The following MTHFD2L variants were observed in gnomAD, a reference collection of about 807,000 sequenced individuals.
MTHFD2L encodes the protein methylenetetrahydrofolate dehydrogenase (NADP+ dependent) 2 like.
MTHFD2L carries 29 observed loss-of-function variants against 34.9 expected under a neutral mutation model. The observed-to-expected ratio is 0.83, with a 90% CI of 0.62 to 1.13. MTHFD2L has a LOEUF of 1.13. MTHFD2L is among the 50% of genes most tolerant of loss of function. The probability of loss-of-function intolerance (pLI) is 0.00; values close to 1 mark genes in which losing one functional copy is unlikely to be tolerated. For synonymous variants in MTHFD2L, 167 were observed against 155.7 expected, an observed-to-expected ratio of 1.07 and a Z score of -0.54; for missense variants, 481 against 446.5, an observed-to-expected ratio of 1.08 and a Z score of -0.70.
intron 6 of MTHFD2L, among the ~76,000 whole-genome samples, chr4:74,228,684 G>A (rs1409948624): frequency 6.6e-6 from 1 of 152,016 alleles, no homozygotes; most frequent in African/African-American, 2.4e-5. Flanking sequence ...AGCTTTCTTT[G>A]TAAAGGCCTA....
intron 6 of MTHFD2L, among the ~76,000 whole-genome samples, chr4:74,270,423 TG>T (rs1386137850): frequency 3.9e-5 from 6 of 152,128 alleles, no homozygotes; most frequent in Non-Finnish European, 1.5e-5. Context: ...ATGCAGTGTT[TG>T]GTTTTTTGTT....
Position 74,186,438 on chromosome 4 carries a change from GAA to G in MTHFD2L, c.451+11055_451+11056del, listed in dbSNP as rs59325238. On this transcript the variant is annotated intron_variant, in intron 3 of 7. Transcript: ENST00000325278. ...CCATGGAAAATTCAAGGGAATCCAT[GAA>G]AAAAAAAAAAAAAAAAAAACAGCTA... Among the ~76,000 whole-genome samples, 175 of 88,192 alleles carry G rather than the reference GAA, an allele frequency of 2.0e-3. 1 individual carries two copies. The highest frequency in any genetic ancestry group is 0.012 in the Middle Eastern group (1 of 82). 57.9% of individuals were successfully genotyped at this position (88,192 alleles called of 152,430 possible). A position where few individuals can be genotyped will look rare whatever the true frequency, so the allele number is the denominator to read the frequency against.
intron 4 of MTHFD2L, 99 bp downstream of exon 4, chr4:74,200,045 A>G (rs1734155329): frequency 1.9e-6 from 2 of 1,072,778 alleles, no homozygotes; most frequent in Middle Eastern, 2.1e-4. Flanking sequence ...ATAGAGTGAC[A>G]GAAAATCATA....
chr4:74,188,698 G>A (rs62312489), intron 3 of MTHFD2L, among the ~76,000 whole-genome samples: 2,049 of 23,926 alleles, frequency 0.086, 245 homozygotes, highest in African/African-American at 0.18. Context: ...ATATGTGTAT[G>A]CATATGTATA....
intron 6 of MTHFD2L, among the ~76,000 whole-genome samples, chr4:74,235,768 T>A (rs1480608585): frequency 6.6e-6 from 1 of 152,144 alleles, no homozygotes; most frequent in African/African-American, 2.4e-5. Flanking sequence ...TATTCCAGCA[T>A]CTACTTCAAT....
upstream of MTHFD2L, chr4:74,157,832 G>A (rs562104199): frequency 7.0e-6 from 4 of 573,958 alleles, no homozygotes; most frequent in South Asian, 4.6e-5. Context: ...CCGTCGCTAT[G>A]GGAATGCCAG....
At position 74,174,526 on chromosome 4, in the gene MTHFD2L, C is replaced by A. The variant is rs373263113; in HGVS notation, c.164C>A (p.Ser55Ter). Residue 55 changes from serine to a stop codon, truncating the protein, a stop_gained, in exon 2 of 8, where the codon TCA becomes TAA. Coordinates refer to ENST00000325278, the MANE Select transcript of MTHFD2L (RefSeq NM_001144978.3). LOFTEE classifies it high-confidence loss of function. The stretch of plus-strand genomic sequence containing the variant: ...CACAGACATGAAGCCATTATTATAT[C>A]AGGAACCGAAATGGCCAAGCATATC... ...SGVRHEAIII[S>*]GTEMAKHIQK... 130 of 1,558,686 alleles carry A rather than the reference C, an allele frequency of 8.3e-5. No homozygotes were observed. The African/African-American group carries it at 1.5e-3, about 18-fold the overall frequency.
intron 1 of MTHFD2L, among the ~76,000 whole-genome samples, chr4:74,150,665 T>A (rs978624749): frequency 1.3e-5 from 2 of 152,162 alleles, no homozygotes; most frequent in African/African-American, 4.8e-5. Context: ...CATTATCCCA[T>A]AACTTAAAAA....
At chr4:74,146,829 T>G (rs377620388) in intron 1 of MTHFD2L, among the ~76,000 whole-genome samples, 1 of 152,120 alleles carries the variant, frequency 6.6e-6, no homozygotes, top group Non-Finnish European at 1.5e-5. Flanking sequence ...CTTCATTGCT[T>G]TTCATTCTAT....
chr4:74,120,272 CAGAG>C (rs1560397333), upstream of MTHFD2L, among the ~76,000 whole-genome samples: 1 of 152,136 alleles, frequency 6.6e-6, no homozygotes, highest in Non-Finnish European at 1.5e-5. Context: ...ACAATTGTTA[CAGAG>C]AGTTAATGAG....
intron 3 of MTHFD2L, chr4:74,194,682 A>G (rs775267978): frequency 2.6e-5 from 4 of 152,186 alleles, no homozygotes; most frequent in Non-Finnish European, 2.9e-5. Context: ...TGTGAACTAT[A>G]ACAAGTAGAG....
At chr4:74,252,023 T>C (rs16850787) in intron 6 of MTHFD2L, among the ~76,000 whole-genome samples, 2,600 of 152,230 alleles carry the variant, frequency 0.017, 91 homozygotes, top group African/African-American at 0.06. Context: ...GGAAAAAGCA[T>C]TCTTTATGCC....
intron 5 of MTHFD2L, among the ~76,000 whole-genome samples, chr4:74,204,812 T>C (rs1479479943): frequency 1.3e-5 from 2 of 152,130 alleles, no homozygotes; most frequent in Non-Finnish European, 2.9e-5. Context: ...TATTTATAGA[T>C]GCATACATAT....
chr4:74,165,005 T>G, intron 1 of MTHFD2L: 1 of 985,368 alleles, frequency 1.0e-6, no homozygotes, highest in Non-Finnish European at 1.2e-6. Flanking sequence ...GTCAAATGGA[T>G]TTTATTTTTG....
chr4:74,237,952 C>T (rs1246582), intron 6 of MTHFD2L, among the ~76,000 whole-genome samples: 39,369 of 152,088 alleles, frequency 0.26, 5,405 homozygotes, highest in African/African-American at 0.35. Context: ...TAGGTGAAGT[C>T]GTCATTCCAA....
At chr4:74,129,423 CT>C (rs1722307253) in intron 1 of MTHFD2L, among the ~76,000 whole-genome samples, 1 of 152,112 alleles carries the variant, frequency 6.6e-6, no homozygotes, top group Admixed American at 6.6e-5. Flanking sequence ...CAAATTAGAA[CT>C]CAGGATTAAG....
chr4:74,273,656 A>T (rs1746267531), intron 6 of MTHFD2L, among the ~76,000 whole-genome samples: 1 of 152,216 alleles, frequency 6.6e-6, no homozygotes. Context: ...TAGAAAGATA[A>T]TAAATATAAG....
intron 6 of MTHFD2L, among the ~76,000 whole-genome samples, chr4:74,279,215 G>T (rs1292567279): frequency 6.6e-6 from 1 of 151,856 alleles, no homozygotes; most frequent in Non-Finnish European, 1.5e-5. Flanking sequence ...CAAATGAAAT[G>T]GGAAAATGCT....
At chr4:74,276,558 T>C (rs1746675163) in intron 6 of MTHFD2L, among the ~76,000 whole-genome samples, 1 of 152,160 alleles carries the variant, frequency 6.6e-6, no homozygotes, top group Non-Finnish European at 1.5e-5. Flanking sequence ...CTGTGCATCC[T>C]AATGGTATAT....
Sources: allele counts gnomAD v4.1 joint callset (sites outside exome capture counted in the v4.1 genomes callset), GRCh38; gene constraint gnomAD v4.1.1; transcripts MANE v1.5; gene names NCBI Gene and HGNC (gene_info 2026-07-23, HGNC 2026-07-21).